The following NALCN variants were observed in gnomAD, a reference collection of about 807,000 sequenced individuals.
The protein encoded by NALCN is sodium leak channel, non-selective.
In NALCN, 111 loss-of-function variants were observed where a neutral mutation model predicts 225.3. That is an observed-to-expected ratio of 0.49 (90% CI 0.42 to 0.58). The LOEUF is 0.58. Among genes scored for constraint, NALCN ranks in the 20% least tolerant of loss-of-function variants. The pLI is 0.00. For missense variants in NALCN, 1,378 were observed against 2,202.4 expected, an observed-to-expected ratio of 0.63 and a Z score of 7.49; for synonymous variants, 764 against 769.0, an observed-to-expected ratio of 0.99 and a Z score of 0.11.
At position 101,272,853 on chromosome 13, in the gene NALCN, C is replaced by T. The variant is rs529736699; in HGVS notation, c.1134+11080G>A. Among the ~76,000 whole-genome samples, 9 of 152,244 alleles carry T rather than the reference C, an allele frequency of 5.9e-5. No homozygotes were observed. In the South Asian group the frequency reaches 1.9e-3, roughly 32 times the overall value. Reference sequence around the variant, plus strand: ...ACGAAGAAGACAGTTTCAGGAGTGCCTAGGATGTCACTTTGTCACTTGAAA... The same window carrying T: ...ACGAAGAAGACAGTTTCAGGAGTGCTTAGGATGTCACTTTGTCACTTGAAA... On this transcript the variant is annotated intron_variant, in intron 10 of 43. Coordinates refer to ENST00000251127, the MANE Select transcript of NALCN (RefSeq NM_052867.4).
intron 15 of NALCN, among the ~76,000 whole-genome samples, chr13:101,147,726 G>A (rs1330618824): frequency 1.3e-5 from 2 of 151,844 alleles, no homozygotes; most frequent in Non-Finnish European, 2.9e-5. Flanking sequence ...TTCAATCTAG[G>A]CTCAGAGGCC....
At chr13:101,319,638 C>T (rs563271947) in intron 7 of NALCN, among the ~76,000 whole-genome samples, 1 of 151,898 alleles carries the variant, frequency 6.6e-6, no homozygotes, top group Non-Finnish European at 1.5e-5. Flanking sequence ...ATGTGTTTTA[C>T]CTTTATGATG....
chr13:101,121,231 G>C (rs1309134677), intron 18 of NALCN, among the ~76,000 whole-genome samples: 1 of 151,936 alleles, frequency 6.6e-6, no homozygotes, highest in Non-Finnish European at 1.5e-5. Context: ...CCTCCTCCTA[G>C]CTCCCATGGA....
chr13:101,290,038 T>A (rs1265956461), intron 9 of NALCN, among the ~76,000 whole-genome samples: 1 of 152,186 alleles, frequency 6.6e-6, no homozygotes, highest in Admixed American at 6.5e-5. Context: ...GCATTTTTCT[T>A]AATGAAGGTT....
chr13:101,401,063 G>C (rs1266393939), intron 1 of NALCN, among the ~76,000 whole-genome samples: 2 of 152,120 alleles, frequency 1.3e-5, no homozygotes, highest in East Asian at 1.9e-4. Context: ...AGCGTCGTCA[G>C]GTATTTCTTT....
At position 101,089,166 on chromosome 13, in the gene NALCN, G is replaced by A. The variant is rs2139545023; in HGVS notation, c.3489+497C>T. On this transcript the variant is annotated intron_variant, in intron 30 of 43. Coordinates refer to ENST00000251127, the MANE Select transcript of NALCN (RefSeq NM_052867.4). The surrounding 1 kb of genome is among the most constrained non-coding windows in gnomAD (Gnocchi z 4.7). ...ACCCGCCTTGGCCTCCCAAAGTGCT[G>A]GGATTACAGGCGTGAGCCACCATGC... 6.6e-6 allele frequency among the ~76,000 whole-genome samples: 1 copy of A among 152,224 alleles called. No individual in the cohort carries two copies. The highest frequency in any genetic ancestry group is 1.9e-4 in the East Asian group (1 of 5,176).
intron 17 of NALCN, among the ~76,000 whole-genome samples, chr13:101,138,789 C>G (rs1221526726): frequency 6.6e-6 from 1 of 152,134 alleles, no homozygotes; most frequent in African/African-American, 2.4e-5. Flanking sequence ...TCAGATCTCA[C>G]TTTATTAATC....
chr13:101,108,236 T>A (rs2035248272), intron 20 of NALCN, among the ~76,000 whole-genome samples: 1 of 151,964 alleles, frequency 6.6e-6, no homozygotes, highest in East Asian at 1.9e-4. Context: ...ACATATTTAA[T>A]GGCCACAGTC....
intron 3 of NALCN, among the ~76,000 whole-genome samples, chr13:101,382,395 T>C (rs905015393): frequency 1.3e-5 from 2 of 152,140 alleles, no homozygotes; most frequent in East Asian, 3.9e-4. Flanking sequence ...AATGCTTACA[T>C]GTTAAATTTT....
chr13:101,412,047 G>GGT (rs1164930308), intron 1 of NALCN, among the ~76,000 whole-genome samples: 1 of 152,038 alleles, frequency 6.6e-6, no homozygotes, highest in Non-Finnish European at 1.5e-5. Context: ...TCACAATGAT[G>GGT]GTGAAATATT....
At chr13:101,183,462 G>T (rs2039322166) in intron 14 of NALCN, among the ~76,000 whole-genome samples, 1 of 152,052 alleles carries the variant, frequency 6.6e-6, no homozygotes, top group South Asian at 2.1e-4. Context: ...TCTATTGAGT[G>T]ATTGATTGAT....
Position 101,237,807 on chromosome 13 carries a change from GT to G in NALCN, c.1381del (p.Thr461LeufsTer22), listed in dbSNP as rs753868444. On this transcript the variant is annotated frameshift_variant, in exon 12 of 44. Transcript: ENST00000251127. LOFTEE classifies it high-confidence loss of function. ...AAGATCTGGGTATACATGAAGAGTA[GT>G]TCCAATTACGAGTAGTAGTTCGAAT... ...HKFELLLVIG[T>X]TLHVYPDLYH... is the part of the protein sequence containing the mutation. 1 of 1,607,990 alleles carries G rather than the reference GT, an allele frequency of 6.2e-7. No homozygotes were observed. The highest frequency in any genetic ancestry group is 1.3e-5 in the African/African-American group (1 of 74,622).
chr13:101,292,021 C>T lies in NALCN; in HGVS notation c.1016G>A (p.Arg339Lys). ...RVQFQQMWGS[R>K]SSTTSTATTQ... is the part of the protein sequence containing the mutation. ...GGTGGCTGTTGAGGTAGTGCTGCTT[C>T]TCGATCCCCACATTTGTTGAAACTG... Residue 339 changes from arginine (R) to lysine (K), a missense_variant, in exon 9 of 44, where the codon AGA (arginine) becomes AAA (lysine). This residue lies in a region of NALCN where 144 missense variants were observed against 187.7 expected (regional missense o/e 0.77). Transcript: ENST00000251127. The surrounding 1 kb of genome is among the most constrained non-coding windows in gnomAD (Gnocchi z 4.3). The T allele has an allele frequency of 6.2e-7, 1 of 1,614,074 alleles. No homozygotes were observed. The highest frequency in any genetic ancestry group is 1.3e-5 in the African/African-American group (1 of 75,010).
intron 1 of NALCN, among the ~76,000 whole-genome samples, chr13:101,403,210 C>T (rs1281716113): frequency 3.3e-5 from 5 of 152,184 alleles, no homozygotes; most frequent in Non-Finnish European, 7.3e-5. Context: ...TCAGGCACTG[C>T]GGTATGTGCT....
At chr13:101,121,943 C>A (rs911946171) in intron 18 of NALCN, among the ~76,000 whole-genome samples, 10 of 136,216 alleles carry the variant, frequency 7.3e-5, no homozygotes, top group Non-Finnish European at 1.1e-4. Context: ...GAGGTTACTG[C>A]AAATGTTTTC....
At chr13:101,077,966 G>C (rs2033367847) in intron 34 of NALCN, among the ~76,000 whole-genome samples, 1 of 152,204 alleles carries the variant, frequency 6.6e-6, no homozygotes, top group Non-Finnish European at 1.5e-5. Context: ...TTCTGCTCCA[G>C]CCATGGCTAA....
At chr13:101,414,192 C>G (rs1219086880) in intron 1 of NALCN, among the ~76,000 whole-genome samples, 2 of 151,988 alleles carry the variant, frequency 1.3e-5, no homozygotes, top group African/African-American at 4.8e-5. Context: ...GCCTTGGGGA[C>G]CATTCTTAAT....
chr13:101,309,922 C>T (rs1005459290), intron 7 of NALCN, among the ~76,000 whole-genome samples: 7 of 152,134 alleles, frequency 4.6e-5, no homozygotes, highest in Non-Finnish European at 2.9e-5. Context: ...TCATATTTCC[C>T]CTCAAACATG....
At chr13:101,192,685 A>AC (rs2039731504) in intron 13 of NALCN, among the ~76,000 whole-genome samples, 2 of 147,254 alleles carry the variant, frequency 1.4e-5, no homozygotes, top group East Asian at 1.9e-4. Context: ...AAACAAACAA[A>AC]AAAGAAATAA....
Sources: gnomAD v4.1 joint callset for allele counts (sites outside exome capture counted in the v4.1 genomes callset) on GRCh38, gnomAD v4.1.1 for gene constraint, gnomAD v4.1.1 regional missense constraint, Gnocchi (gnomAD v3.1) non-coding constraint, MANE v1.5 for transcripts, NCBI Gene and HGNC (gene_info 2026-07-23, HGNC 2026-07-21) for gene names.